Variants in GRIA4 observed in about 807,000 individuals in gnomAD.
The protein encoded by GRIA4 is glutamate receptor 4.
GRIA4 carries 34 observed loss-of-function variants against 104.0 expected under a neutral mutation model. That is an observed-to-expected ratio of 0.33 (90% CI 0.25 to 0.44). The LOEUF (loss-of-function observed/expected upper bound fraction) is 0.44. Ranked by LOEUF, GRIA4 falls within the 20% of genes least tolerant of loss-of-function variation. GRIA4 has a pLI of 1.00. For synonymous variants in GRIA4, 386 were observed against 381.9 expected (o/e 1.01, Z -0.13); for missense variants, 750 against 1,096.5 (o/e 0.68, Z 4.46).
At chr11:105,732,651 G>A (rs1431318449) in intron 3 of GRIA4, among the ~76,000 whole-genome samples, 11 of 152,148 alleles carry the variant, frequency 7.2e-5, no homozygotes, top group Non-Finnish European at 7.4e-5. Flanking sequence ...TCTACCAGCT[G>A]GTGAAGCTGG....
chr11:105,929,606 T>A (rs1044709931), intron 13 of GRIA4, among the ~76,000 whole-genome samples: 1 of 152,152 alleles, frequency 6.6e-6, no homozygotes, highest in African/African-American at 2.4e-5. Context: ...CCTGTCTCAG[T>A]CATCAGTGAA....
At chr11:105,610,870 C>CTTTTTTTTTTTTTT (rs55973528) in intron 1 of GRIA4, 38 bp from the exon 2 acceptor site, 6 of 357,396 alleles carry the variant, frequency 1.7e-5, no homozygotes, top group Admixed American at 1.4e-4. Context: ...TCTTTCTTTT[C>CTTTTTTTTTTTTTT]TTTTTTTTTT....
chr11:105,653,707 G>A (rs1049667624), intron 3 of GRIA4, among the ~76,000 whole-genome samples: 5 of 151,940 alleles, frequency 3.3e-5, no homozygotes, highest in Non-Finnish European at 5.9e-5. Flanking sequence ...TAGGGTCAGT[G>A]CTGTGACAGA....
chr11:105,670,074 A>C (rs931917521), intron 3 of GRIA4, among the ~76,000 whole-genome samples: 2 of 152,126 alleles, frequency 1.3e-5, no homozygotes, highest in Non-Finnish European at 2.9e-5. Flanking sequence ...AATGTAAGGT[A>C]TAACACAAAT....
rs150585534 is a variant in GRIA4, at chr11:105,678,625, A to C, written c.247+66191A>C. Reference sequence around the variant, plus strand: ...GTTCTATGTCTAACCTTCAAAATTTATCTCTAAATTTTAGTTTTCAAAATT... The same window carrying C: ...GTTCTATGTCTAACCTTCAAAATTTCTCTCTAAATTTTAGTTTTCAAAATT... On this transcript the variant is annotated intron_variant, in intron 3 of 16. Coordinates refer to ENST00000282499, the MANE Select transcript of GRIA4 (RefSeq NM_000829.4). Among the ~76,000 whole-genome samples the C allele has an allele frequency of 5.2e-3, 799 of 152,192 alleles. 6 individuals carry two copies. The highest frequency in any genetic ancestry group is 0.018 in the African/African-American group (728 of 41,546).
At position 105,791,406 on chromosome 11, in the gene GRIA4, T is replaced by C. The variant is rs183689129; in HGVS notation, c.487+38186T>C. On this transcript the variant is annotated intron_variant, in intron 4 of 16. Coordinates refer to ENST00000282499, the MANE Select transcript of GRIA4 (RefSeq NM_000829.4). ...TGATTGTGCATTTAATGCATAATGT[T>C]CTTCTATAGAGTTGTAAATGTTTTT... Among the ~76,000 whole-genome samples the C allele has an allele frequency of 2.7e-3, 407 of 152,328 alleles. 1 individual carries two copies. The highest frequency in any genetic ancestry group is 4.3e-3 in the Admixed American group (66 of 15,286).
At chr11:105,922,303 G>GAAC (rs1947586524) in intron 11 of GRIA4, among the ~76,000 whole-genome samples, 1 of 152,112 alleles carries the variant, frequency 6.6e-6, no homozygotes, top group Non-Finnish European at 1.5e-5. Flanking sequence ...GAACTTTTCT[G>GAAC]AGGTTTAAAG....
chr11:105,777,183 T>G (rs1411737808), intron 4 of GRIA4, among the ~76,000 whole-genome samples: 1 of 152,216 alleles, frequency 6.6e-6, no homozygotes, highest in African/African-American at 2.4e-5. Flanking sequence ...TCTTCATACT[T>G]TATTTCACAA....
intron 10 of GRIA4, among the ~76,000 whole-genome samples, chr11:105,914,076 GACAT>G (rs1249028171): frequency 6.6e-6 from 1 of 151,270 alleles, no homozygotes; most frequent in Non-Finnish European, 1.5e-5. Context: ...TATATATACA[GACAT>G]ACATACAGAA....
At chr11:105,947,347 T>A (rs1948340880) in intron 14 of GRIA4, among the ~76,000 whole-genome samples, 1 of 152,210 alleles carries the variant, frequency 6.6e-6, no homozygotes, top group Non-Finnish European at 1.5e-5. Flanking sequence ...GCATACGGAC[T>A]CTCCACTGAA....
intron 14 of GRIA4, among the ~76,000 whole-genome samples, chr11:105,955,894 AT>A (rs1948575605): frequency 6.6e-6 from 1 of 151,860 alleles, no homozygotes; most frequent in Non-Finnish European, 1.5e-5. Flanking sequence ...TTTTTTTCAT[AT>A]GTTTATTGGC....
chr11:105,820,227 A>G (rs920470577), intron 4 of GRIA4, among the ~76,000 whole-genome samples: 1 of 152,114 alleles, frequency 6.6e-6, no homozygotes, highest in African/African-American at 2.4e-5. Context: ...GGAAACTGAA[A>G]TAATCCTCTT....
chr11:105,776,969 C>T (rs1259461600), intron 4 of GRIA4, among the ~76,000 whole-genome samples: 2 of 152,170 alleles, frequency 1.3e-5, no homozygotes, highest in Non-Finnish European at 2.9e-5. Context: ...GTTCCCTTGG[C>T]CCTGCATGCA....
chr11:105,672,256 A>C (rs1223951420), intron 3 of GRIA4, among the ~76,000 whole-genome samples: 1 of 152,164 alleles, frequency 6.6e-6, no homozygotes, highest in African/African-American at 2.4e-5. Context: ...TTTTATTCAA[A>C]AGACAGTCAT....
rs141685459 is a variant in GRIA4, at chr11:105,637,162, A to C, written c.247+24728A>C. On this transcript the variant is annotated intron_variant, in intron 3 of 16. Coordinates refer to ENST00000282499, the MANE Select transcript of GRIA4 (RefSeq NM_000829.4). ...CATTTAAAAATAGTTTTATGAAGCT[A>C]GATAATTTTAATGATATGAGGTATG... is the stretch of plus-strand genomic sequence containing the variant. Among the ~76,000 whole-genome samples, 1,097 of 151,386 alleles carry C rather than the reference A, an allele frequency of 7.2e-3. 6 individuals carry two copies. Among genetic ancestry groups the C allele is most frequent in the Non-Finnish European group, 0.012 (793 of 67,946 alleles).
In GRIA4 at chr11:105,733,131, A is replaced by G. The variant is rs183521324; in HGVS notation, c.248-19850A>G. ...GATATATCATATACCTGAAAGCATT[A>G]TTGTTATTTTGAAAGACTTAATACA... On this transcript the variant is annotated intron_variant, in intron 3 of 16. Transcript: ENST00000282499. 1.5e-3 allele frequency among the ~76,000 whole-genome samples: 223 copies of G among 152,288 alleles called. 1 individual carries two copies. Among genetic ancestry groups the G allele is most frequent in the Non-Finnish European group, 2.8e-3 (189 of 68,022 alleles).
chr11:105,690,393 G>A (rs1298913095), intron 3 of GRIA4, among the ~76,000 whole-genome samples: 1 of 152,086 alleles, frequency 6.6e-6, no homozygotes, highest in Non-Finnish European at 1.5e-5. Flanking sequence ...CTTAATATTT[G>A]AACAGTCTTC....
intron 3 of GRIA4, among the ~76,000 whole-genome samples, chr11:105,616,399 CA>C (rs1032680621): frequency 4.6e-5 from 7 of 151,536 alleles, no homozygotes; most frequent in African/African-American, 1.7e-4. Context: ...CAGTACTTTA[CA>C]AAGTACTTGT....
At chr11:105,789,682 T>C (rs1938968) in intron 4 of GRIA4, among the ~76,000 whole-genome samples, 69,583 of 151,942 alleles carry the variant, frequency 0.46, 16,312 homozygotes, top group Middle Eastern at 0.52. Flanking sequence ...CTCACTGCAG[T>C]TCCAACAATC....
Sources: gnomAD v4.1 joint callset for allele counts (sites outside exome capture counted in the v4.1 genomes callset) on GRCh38, gnomAD v4.1.1 for gene constraint, MANE v1.5 for transcripts, NCBI Gene and HGNC (gene_info 2026-07-23, HGNC 2026-07-21) for gene names.